The following ZNF804B variants were observed in gnomAD, a reference collection of about 807,000 sequenced individuals.
ZNF804B encodes the protein zinc finger 804B.
Under a neutral mutation model 101.4 loss-of-function variants are expected in ZNF804B, and 80 were observed. The ratio of observed to expected loss-of-function variants is 0.79; its 90% CI spans 0.66 to 0.95. The LOEUF is 0.95. Ranked by LOEUF, ZNF804B falls within the 40% of genes least tolerant of loss-of-function variation. The pLI is 0.00. For missense variants in ZNF804B, 1,673 were observed against 1,561.9 expected (o/e 1.07, Z -1.20); for synonymous variants, 622 against 558.8 (o/e 1.11, Z -1.59).
intron 1 of ZNF804B, among the ~76,000 whole-genome samples, chr7:89,147,696 G>A (rs1172640977): frequency 2.0e-5 from 3 of 152,094 alleles, no homozygotes; most frequent in Non-Finnish European, 2.9e-5. Flanking sequence ...TACCACCTGA[G>A]CTCTGCCACC....
chr7:89,274,316 C>A (rs1278951976), intron 2 of ZNF804B, among the ~76,000 whole-genome samples: 2 of 96,996 alleles, frequency 2.1e-5, no homozygotes, highest in Non-Finnish European at 4.0e-5. Context: ...CCCCCTCCCC[C>A]CACCCCACCA....
At chr7:89,115,909 T>G (rs1428746099) in intron 1 of ZNF804B, among the ~76,000 whole-genome samples, 1 of 150,790 alleles carries the variant, frequency 6.6e-6, no homozygotes, top group Non-Finnish European at 1.5e-5. Flanking sequence ...TTTTTGTTTT[T>G]TTTTTTCTTT....
chr7:88,965,734 G>A (rs964714701), intron 1 of ZNF804B, among the ~76,000 whole-genome samples: 1 of 151,352 alleles, frequency 6.6e-6, no homozygotes, highest in East Asian at 2.0e-4. Context: ...TTTTCTTATT[G>A]CAGTGAATTG....
At chr7:88,867,504 C>A (rs1046760221) in intron 1 of ZNF804B, among the ~76,000 whole-genome samples, 5 of 152,188 alleles carry the variant, frequency 3.3e-5, no homozygotes, top group Admixed American at 3.3e-4. Context: ...GCATGCTTCA[C>A]TAATTGAATG....
At chr7:89,008,111 A>C (rs1788397504) in intron 1 of ZNF804B, among the ~76,000 whole-genome samples, 1 of 152,190 alleles carries the variant, frequency 6.6e-6, no homozygotes. Flanking sequence ...ATCCCCAGAT[A>C]GTCTATCAGA....
chr7:89,103,194 C>CT (rs376926229), intron 1 of ZNF804B, among the ~76,000 whole-genome samples: 77 of 128,380 alleles, frequency 6.0e-4, no homozygotes, highest in South Asian at 9.9e-4. Context: ...GTTATTCAGG[C>CT]TTTTTTTTTT....
intron 1 of ZNF804B, among the ~76,000 whole-genome samples, chr7:89,050,015 A>G (rs1789170502): frequency 6.6e-6 from 1 of 152,164 alleles, no homozygotes; most frequent in Admixed American, 6.6e-5. Flanking sequence ...CTGTCTCAAA[A>G]CAAAAACGAA....
At chr7:88,850,918 G>A (rs937133950) in intron 1 of ZNF804B, among the ~76,000 whole-genome samples, 4 of 152,010 alleles carry the variant, frequency 2.6e-5, no homozygotes, top group Non-Finnish European at 5.9e-5. Flanking sequence ...CCAGAGGAAA[G>A]GTTGAACATG....
At chr7:89,098,730 T>C (rs1408686821) in intron 1 of ZNF804B, among the ~76,000 whole-genome samples, 1 of 152,170 alleles carries the variant, frequency 6.6e-6, no homozygotes, top group Non-Finnish European at 1.5e-5. Context: ...GACATTTGCC[T>C]CATCTTATCT....
chr7:89,172,146 T>G (rs1305130582), intron 1 of ZNF804B, among the ~76,000 whole-genome samples: 1 of 152,126 alleles, frequency 6.6e-6, no homozygotes, highest in African/African-American at 2.4e-5. Context: ...TGTGAACTAG[T>G]AACTATGACA....
At chr7:88,977,696 A>T (rs2116125513) in intron 1 of ZNF804B, among the ~76,000 whole-genome samples, 1 of 150,972 alleles carries the variant, frequency 6.6e-6, no homozygotes, top group Admixed American at 6.6e-5. Flanking sequence ...CTAACTTTTT[A>T]TTCTGTTGTT....
chr7:89,103,059 T>TGTTGTTTG (rs1562885429), intron 1 of ZNF804B, among the ~76,000 whole-genome samples: 3 of 125,258 alleles, frequency 2.4e-5, no homozygotes, highest in Admixed American at 7.9e-5. Flanking sequence ...TTTTTTTTTT[T>TGTTGTTTG]TTTTTTTTTT....
chr7:89,012,308 C>T (rs1024772961), intron 1 of ZNF804B, among the ~76,000 whole-genome samples: 9 of 152,114 alleles, frequency 5.9e-5, no homozygotes, highest in Non-Finnish European at 1.2e-4. Context: ...TCTGCCGTGC[C>T]ACAGAGACAT....
chr7:88,889,184 G>T (rs1792178928), intron 1 of ZNF804B, among the ~76,000 whole-genome samples: 1 of 152,024 alleles, frequency 6.6e-6, no homozygotes, highest in Admixed American at 6.6e-5. Context: ...TCTTTATCCA[G>T]TCCACCACTG....
chr7:89,073,753 A>T (rs78422015), intron 1 of ZNF804B, among the ~76,000 whole-genome samples: 4 of 152,170 alleles, frequency 2.6e-5, no homozygotes. Flanking sequence ...ATCTGTGTAC[A>T]TCTTAAAATA....
intron 1 of ZNF804B, among the ~76,000 whole-genome samples, chr7:88,797,990 C>G (rs960772191): frequency 2.0e-5 from 3 of 152,060 alleles, no homozygotes; most frequent in African/African-American, 7.2e-5. Context: ...CATAGTTCTG[C>G]TTGTTTTATC....
intron 1 of ZNF804B, chr7:88,795,166 AATACTCAAACT>A: frequency 2.5e-6 from 1 of 393,418 alleles, no homozygotes; most frequent in Non-Finnish European, 4.5e-6. Context: ...ATGTTAAAAC[AATACTCAAACT>A]ATAGACTTTT....
At chr7:88,966,587 G>A (rs1793458224) in intron 1 of ZNF804B, among the ~76,000 whole-genome samples, 1 of 151,440 alleles carries the variant, frequency 6.6e-6, no homozygotes. Flanking sequence ...TGTTATTGTT[G>A]TAACCTATTT....
chr7:88,852,298 CTA>C (rs1791459470), intron 1 of ZNF804B, among the ~76,000 whole-genome samples: 1 of 152,054 alleles, frequency 6.6e-6, no homozygotes, highest in African/African-American at 2.4e-5. Context: ...ATATTTCTTA[CTA>C]TGAGTCATGG....
Sources: allele counts gnomAD v4.1 joint callset (sites outside exome capture counted in the v4.1 genomes callset), GRCh38; gene constraint gnomAD v4.1.1; transcripts MANE v1.5; gene names NCBI Gene and HGNC (gene_info 2026-07-23, HGNC 2026-07-21).